CHD6: variants seen among roughly 807,000 people sequenced by gnomAD.
The protein encoded by CHD6 is chromodomain helicase DNA binding protein 6.
CHD6 carries 50 observed loss-of-function variants against 276.9 expected under a neutral mutation model. That is an observed-to-expected ratio of 0.18 (90% confidence interval 0.14 to 0.23). The LOEUF is 0.23. Among genes scored for constraint, CHD6 ranks in the 10% least tolerant of loss-of-function variants. The pLI is 1.00. For missense variants in CHD6, 2,564 were observed against 3,365.8 expected (o/e 0.76, Z 5.89); for synonymous variants, 1,173 against 1,229.3 (o/e 0.95, Z 0.96).
rs539044100 is a variant in CHD6 at position 41,490,424 on chromosome 20, G to A, written c.1437-403C>T. 6.6e-5 allele frequency among the ~76,000 whole-genome samples: 10 copies of A among 152,304 alleles called. No individual in the cohort carries two copies. In the East Asian group the frequency reaches 1.4e-3, roughly 21 times the overall value. On this transcript the variant is annotated intron_variant, in intron 11 of 36. Coordinates refer to ENST00000373233, the MANE Select transcript of CHD6 (RefSeq NM_032221.5). The stretch of plus-strand genomic sequence containing the variant: ...ACAGCATGTCATTGCAGTGAATACC[G>A]TAGGCAATTGTAACACCATAGTAAG...
intron 16 of CHD6, among the ~76,000 whole-genome samples, chr20:41,477,120 C>T (rs1222054988): frequency 6.6e-6 from 1 of 152,048 alleles, no homozygotes; most frequent in African/African-American, 2.4e-5. Context: ...ATGTGCCTAT[C>T]GTCCTAGCTA....
chr20:41,415,078 C>A (rs1370618521), intron 34 of CHD6, 108 bp downstream of exon 34: 7 of 1,489,308 alleles, frequency 4.7e-6, no homozygotes, highest in African/African-American at 1.4e-5. Flanking sequence ...AGCAGGACAA[C>A]CGAAATAGAG....
intron 1 of CHD6, among the ~76,000 whole-genome samples, chr20:41,569,779 A>G (rs2146205023): frequency 6.6e-6 from 1 of 152,356 alleles, no homozygotes; most frequent in Non-Finnish European, 1.5e-5. Flanking sequence ...ACAACTATTT[A>G]CATATAGCAT....
intron 27 of CHD6, among the ~76,000 whole-genome samples, chr20:41,427,762 T>C (rs2047411666): frequency 6.6e-6 from 1 of 152,206 alleles, no homozygotes; most frequent in African/African-American, 2.4e-5. Context: ...TACTGTACCA[T>C]TTTGAAGTGG....
chr20:41,477,742 T>A (rs780259018), intron 16 of CHD6, among the ~76,000 whole-genome samples: 2 of 152,166 alleles, frequency 1.3e-5, no homozygotes, highest in African/African-American at 4.8e-5. Context: ...CACAACCTAA[T>A]TTAATAGTGC....
chr20:41,407,236 G>C (rs1173147496), intron 36 of CHD6, among the ~76,000 whole-genome samples: 1 of 152,166 alleles, frequency 6.6e-6, no homozygotes, highest in Non-Finnish European at 1.5e-5. Flanking sequence ...CTGCAGAGTG[G>C]GGGGTGGGGA....
chr20:41,579,042 A>C (rs1458870409), intron 1 of CHD6, among the ~76,000 whole-genome samples: 1 of 142,016 alleles, frequency 7.0e-6, no homozygotes. Flanking sequence ...AGGCAGGAGA[A>C]TCGCTGGAAC....
intron 3 of CHD6, among the ~76,000 whole-genome samples, chr20:41,515,889 T>C (rs2044238561): frequency 6.6e-6 from 1 of 152,238 alleles, no homozygotes; most frequent in Non-Finnish European, 1.5e-5. Flanking sequence ...TCAATTAATA[T>C]TTAAGCAAGC....
chr20:41,562,143 G>A (rs140218458), intron 1 of CHD6, among the ~76,000 whole-genome samples: 1 of 150,134 alleles, frequency 6.7e-6, no homozygotes, highest in East Asian at 2.0e-4. Flanking sequence ...TCTACTTTCT[G>A]AGAAGTTTCC....
At chr20:41,570,526 T>C (rs765187940) in intron 1 of CHD6, among the ~76,000 whole-genome samples, 15 of 152,238 alleles carry the variant, frequency 9.9e-5, no homozygotes, top group Non-Finnish European at 1.6e-4. Flanking sequence ...TGCTGTTTTC[T>C]TCCTTCACCC....
rs1313963597 is a variant in CHD6, at chr20:41,415,898, C to T, written c.6487-260G>A. 2.6e-5 allele frequency among the ~76,000 whole-genome samples: 4 copies of T among 152,318 alleles called. No homozygotes were observed. In the South Asian group the frequency reaches 8.3e-4, roughly 32 times the overall value. On this transcript the variant is annotated intron_variant, in intron 33 of 36. Transcript: ENST00000373233. ...TAAAGCTGCTATGCTAGTCCGTGAA[C>T]TACATTTGGTGTTGCAAGATGATAA...
chr20:41,586,195 C>T (rs1350583881), intron 1 of CHD6, among the ~76,000 whole-genome samples: 1 of 152,204 alleles, frequency 6.6e-6, no homozygotes, highest in South Asian at 2.1e-4. Context: ...CAACTGCACA[C>T]TCTTCTGGTC....
intron 1 of CHD6, among the ~76,000 whole-genome samples, chr20:41,617,163 G>A (rs909062536): frequency 2.0e-5 from 3 of 152,038 alleles, no homozygotes; most frequent in Non-Finnish European, 4.4e-5. Flanking sequence ...GAGTTTTCAG[G>A]GGGTGGGAAA....
intron 27 of CHD6, among the ~76,000 whole-genome samples, chr20:41,426,527 A>G (rs972402849): frequency 1.3e-4 from 20 of 152,172 alleles, no homozygotes; most frequent in Admixed American, 1.1e-3. Context: ...CTGTCATTTC[A>G]TTTCACAAAG....
chr20:41,405,624 C>G, intron 36 of CHD6, 135 bp from the exon 37 acceptor site: 1 of 636,078 alleles, frequency 1.6e-6, no homozygotes, highest in Non-Finnish European at 2.7e-6. Context: ...AGGAGCACCT[C>G]CCGCCTACTT....
chr20:41,408,917 T>C (rs1411547789), intron 36 of CHD6, among the ~76,000 whole-genome samples: 2 of 152,230 alleles, frequency 1.3e-5, no homozygotes, highest in South Asian at 2.1e-4. Flanking sequence ...CAGAGGACCT[T>C]TGGCCACCTT....
At position 41,440,238 on chromosome 20, in the gene CHD6, A is replaced by G. The variant is rs999329345; in HGVS notation, c.3878-109T>C. The G allele has an allele frequency of 5.0e-6, 5 of 995,064 alleles. No individual in the cohort carries two copies. The African/African-American group carries it at 8.1e-5, about 16-fold the overall frequency. The allele number at this position is 995,064 out of a possible 1,614,324, so 61.6% of individuals were successfully genotyped here. A position where few individuals can be genotyped will look rare whatever the true frequency, so the allele number is the denominator to read the frequency against. On this transcript the variant is annotated intron_variant, in intron 25 of 36. Transcript: ENST00000373233. ...ATTTAGTAAAGAACAAAACAAACAC[A>G]AAAAAATAATTATTTAAGATTAATG...
At position 41,591,007 on chromosome 20, in the gene CHD6, A is replaced by C. The variant is rs1489282081; in HGVS notation, c.-24+27333T>G. ...TGGATTAAGAAAATGTGGCACATATACACCATGGAATACTATGCAGCCATA... is the reference window on the plus strand; with the variant it reads ...TGGATTAAGAAAATGTGGCACATATCCACCATGGAATACTATGCAGCCATA... On this transcript the variant is annotated intron_variant, in intron 1 of 36. Transcript: ENST00000373233. Among the ~76,000 whole-genome samples, 10 of 151,976 alleles carry C rather than the reference A, an allele frequency of 6.6e-5. No individual in the cohort carries two copies. The East Asian group carries it at 1.9e-3, about 29-fold the overall frequency.
chr20:41,583,305 G>C (rs1568716477), intron 1 of CHD6, among the ~76,000 whole-genome samples: 1 of 151,754 alleles, frequency 6.6e-6, no homozygotes, highest in Non-Finnish European at 1.5e-5. Flanking sequence ...CATTACCTTG[G>C]AAGAAGAAAA....
Sources: allele counts gnomAD v4.1 joint callset (sites outside exome capture counted in the v4.1 genomes callset), GRCh38; gene constraint gnomAD v4.1.1; transcripts MANE v1.5; gene names NCBI Gene and HGNC (gene_info 2026-07-23, HGNC 2026-07-21).